Variants in SHANK2 observed in about 807,000 individuals in gnomAD.
SHANK2 encodes SH3 and multiple ankyrin repeat domains protein 2.
SHANK2 carries 43 observed loss-of-function variants against 133.7 expected under a neutral mutation model. The observed-to-expected ratio is 0.32, with a 90% CI of 0.25 to 0.41. The LOEUF is 0.41. Among genes scored for constraint, SHANK2 ranks in the 10% least tolerant of loss-of-function variants. The probability of loss-of-function intolerance (pLI) is 1.00; values close to 1 mark genes in which losing one functional copy is unlikely to be tolerated. For missense variants in SHANK2, 1,994 were observed against 2,235.8 expected, an observed-to-expected ratio of 0.89 and a Z score of 2.18; for synonymous variants, 1,017 against 952.8, an observed-to-expected ratio of 1.07 and a Z score of -1.24.
intron 9 of SHANK2, among the ~76,000 whole-genome samples, chr11:71,065,367 G>T (rs1951036678): frequency 7.9e-6 from 1 of 127,024 alleles, no homozygotes; most frequent in South Asian, 2.9e-4. Context: ...TGTGTGTGCA[G>T]AACTCTTCCA....
At chr11:70,773,272 G>C (rs1555043258) in intron 14 of SHANK2, among the ~76,000 whole-genome samples, 1 of 152,230 alleles carries the variant, frequency 6.6e-6, no homozygotes, top group East Asian at 1.9e-4. Flanking sequence ...AAAGACAAGA[G>C]CAAAGCTTTG....
intron 17 of SHANK2, among the ~76,000 whole-genome samples, chr11:70,541,319 C>T (rs2059619172): frequency 6.6e-6 from 1 of 152,254 alleles, no homozygotes; most frequent in African/African-American, 2.4e-5. Flanking sequence ...GCCTTCCCTA[C>T]TCATCAGCCT....
intron 14 of SHANK2, among the ~76,000 whole-genome samples, chr11:70,738,762 G>A (rs1480145438): frequency 6.6e-6 from 1 of 152,170 alleles, no homozygotes; most frequent in African/African-American, 2.4e-5. Context: ...AACGCCCACT[G>A]TGCCAGAAGC....
At chr11:70,583,305 A>T (rs2060207630) in intron 17 of SHANK2, among the ~76,000 whole-genome samples, 1 of 152,094 alleles carries the variant, frequency 6.6e-6, no homozygotes, top group African/African-American at 2.4e-5. Context: ...ATGTGGCGAG[A>T]AGGTGACCTG....
rs782795217 is a variant in SHANK2 at position 70,486,582 on chromosome 11, C to G, written c.3711G>C (p.Glu1237Asp). ...GTTTGTTGAGGTCGGCCTTGGGGGC[C>G]TCCCCTTTGGGTCCCTGTTGAGACT... The part of the protein sequence containing the change: ...MKESQQGPKG[E>D]APKADLNKPL... Residue 1237 changes from glutamate (E) to aspartate (D), a missense_variant, in exon 25 of 26, where the codon GAG (glutamate) becomes GAC (aspartate). Physicochemically the swap from Glu to Asp is conservative, Grantham distance 45. This residue lies in a region of SHANK2 where 797 missense variants were observed against 907.4 expected (regional missense o/e 0.88). Transcript: ENST00000601538. The surrounding 1 kb of genome is among the most constrained non-coding windows in gnomAD (Gnocchi z 8.0). 1 of 1,614,008 alleles carries G rather than the reference C, an allele frequency of 6.2e-7. No homozygotes were observed. Among genetic ancestry groups the G allele is most frequent in the Non-Finnish European group, 8.5e-7 (1 of 1,180,038 alleles).
chr11:71,127,147 C>A (rs112629386), intron 3 of SHANK2, among the ~76,000 whole-genome samples: 7,475 of 152,208 alleles, frequency 0.049, 560 homozygotes, highest in African/African-American at 0.17. Context: ...AGCAAGAGAA[C>A]TGGAATTAGA....
rs181521555 is a variant in SHANK2 at position 70,559,932 on chromosome 11, C to G, written c.2062-57001G>C. On this transcript the variant is annotated intron_variant, in intron 17 of 25. Coordinates refer to ENST00000601538, the MANE Select transcript of SHANK2 (RefSeq NM_012309.5). ...TGTTGCCCAGGCTGGAGCACAGTGG[C>G]GTGATCTCAGCTCACTGCAGCTTCC... Among the ~76,000 whole-genome samples the G allele has an allele frequency of 6.3e-3, 959 of 152,160 alleles. 4 individuals carry two copies. Among genetic ancestry groups the G allele is most frequent in the Middle Eastern group, 0.017 (5 of 294 alleles).
chr11:71,248,848 G>A (rs1246208462), intron 1 of SHANK2, among the ~76,000 whole-genome samples: 1 of 152,120 alleles, frequency 6.6e-6, no homozygotes, highest in Admixed American at 6.5e-5. Flanking sequence ...ATGCCCTGCA[G>A]CACTCGATGC....
At chr11:71,147,023 G>C in intron 3 of SHANK2, 97 bp downstream of exon 3, 2 of 1,045,334 alleles carry the variant, frequency 1.9e-6, no homozygotes, top group Non-Finnish European at 2.7e-6. Context: ...GAGCAGTCAG[G>C]ACCGTGGGTC....
chr11:70,798,052 G>A (rs554503217), intron 14 of SHANK2, among the ~76,000 whole-genome samples: 7 of 152,256 alleles, frequency 4.6e-5, no homozygotes, highest in South Asian at 2.1e-4. Flanking sequence ...CGTTTGCTAC[G>A]TGTTCTCAGG....
At chr11:70,752,553 A>T (rs1314360176) in intron 14 of SHANK2, among the ~76,000 whole-genome samples, 2 of 152,018 alleles carry the variant, frequency 1.3e-5, no homozygotes, top group Non-Finnish European at 2.9e-5. Flanking sequence ...AAAAATACAA[A>T]AAGTTAGCCG....
At chr11:71,145,509 G>A (rs1349845900) in intron 3 of SHANK2, among the ~76,000 whole-genome samples, 10 of 152,200 alleles carry the variant, frequency 6.6e-5, no homozygotes, top group South Asian at 4.1e-4. Flanking sequence ...CCCAGTTAGC[G>A]TCTCTCTCAG....
intron 2 of SHANK2, among the ~76,000 whole-genome samples, chr11:71,153,736 G>A (rs1180521206): frequency 6.6e-6 from 1 of 152,212 alleles, no homozygotes; most frequent in Non-Finnish European, 1.5e-5. Flanking sequence ...AGAGGCCAAG[G>A]TGGGTGGATC....
intron 9 of SHANK2, among the ~76,000 whole-genome samples, chr11:71,065,833 GGGCA>G (rs1951047757): frequency 1.5e-5 from 2 of 134,556 alleles, no homozygotes; most frequent in Non-Finnish European, 3.2e-5. Flanking sequence ...GTTGGGGGCG[GGGCA>G]TACAGAACTC....
intron 11 of SHANK2, among the ~76,000 whole-genome samples, chr11:70,875,262 G>C (rs561088533): frequency 6.6e-6 from 1 of 152,210 alleles, no homozygotes; most frequent in Admixed American, 6.5e-5. Context: ...ACCTGGGGCA[G>C]ACAGCGTCAC....
intron 10 of SHANK2, among the ~76,000 whole-genome samples, chr11:70,954,427 C>G (rs1950887666): frequency 6.6e-6 from 1 of 152,240 alleles, no homozygotes; most frequent in Admixed American, 6.5e-5. Context: ...CTGGCAGCCA[C>G]TACCATGCGT....
At chr11:71,173,554 G>T in intron 2 of SHANK2, among the ~76,000 whole-genome samples, 1 of 152,220 alleles carries the variant, frequency 6.6e-6, no homozygotes, top group Non-Finnish European at 1.5e-5. Context: ...ACATCCACAA[G>T]CTAGGAGGAC....
intron 1 of SHANK2, among the ~76,000 whole-genome samples, chr11:71,236,267 A>G (rs1954825363): frequency 6.6e-6 from 1 of 152,222 alleles, no homozygotes; most frequent in South Asian, 2.1e-4. Flanking sequence ...AAAATGCATT[A>G]TGCCTCCTGG....
intron 12 of SHANK2, among the ~76,000 whole-genome samples, chr11:70,810,053 C>T (rs782666612): frequency 5.9e-5 from 9 of 152,212 alleles, no homozygotes; most frequent in Non-Finnish European, 1.2e-4. Context: ...ACCACTGTTC[C>T]CCATCGATGG....
Sources: gnomAD v4.1 joint callset for allele counts (sites outside exome capture counted in the v4.1 genomes callset) on GRCh38, gnomAD v4.1.1 for gene constraint, gnomAD v4.1.1 regional missense constraint, Gnocchi (gnomAD v3.1) non-coding constraint, MANE v1.5 for transcripts, NCBI Gene and HGNC (gene_info 2026-07-23, HGNC 2026-07-21) for gene names.